Variants in QRSL1 observed in about 807,000 individuals in gnomAD.
The protein encoded by QRSL1 is glutamyl-tRNA(Gln) amidotransferase subunit A, mitochondrial.
A neutral mutation model predicts 61.6 loss-of-function variants in QRSL1; 54 were observed. The ratio of observed to expected loss-of-function variants is 0.88; its 90% CI spans 0.70 to 1.10. The LOEUF (loss-of-function observed/expected upper bound fraction) is 1.10. QRSL1 is among the 50% of genes least tolerant of loss of function. QRSL1 has a pLI of 0.00. For synonymous variants in QRSL1, 228 were observed against 225.7 expected (o/e 1.01, Z -0.09); for missense variants, 505 against 622.6 (o/e 0.81, Z 2.01).
At chr6:106,640,611 C>A in intron 2 of QRSL1, 103 bp downstream of exon 2, 1 of 1,153,230 alleles carries the variant, frequency 8.7e-7, no homozygotes, top group South Asian at 1.6e-5. Context: ...TAAACCATAG[C>A]CTTATTTAAA....
In QRSL1 at chr6:106,655,514, CA is replaced by C. The variant is rs35970346; in HGVS notation, c.1043-82del. On this transcript the variant is annotated intron_variant, in intron 8 of 10. Transcript: ENST00000369046. ...TAGGTGACAGAGTGAGACTCCATCT[CA>C]AAAAAAAAAAAAAAAAAAGTGAATC... The C allele has an allele frequency of 0.13, 54,450 of 413,362 alleles. 464 individuals carry two copies. The highest frequency in any genetic ancestry group is 0.15 in the East Asian group (2,786 of 18,072). 25.6% of individuals were successfully genotyped at this position (413,362 alleles called of 1,614,324 possible). A position where few individuals can be genotyped will look rare whatever the true frequency, so the allele number is the denominator to read the frequency against.
intron 9 of QRSL1, among the ~76,000 whole-genome samples, chr6:106,661,649 C>T (rs1476261369): frequency 8.2e-6 from 1 of 121,960 alleles, no homozygotes; most frequent in African/African-American, 3.0e-5. Context: ...TCCATTTTTA[C>T]TGTTGTGGAA....
In QRSL1 at chr6:106,654,907, G is replaced by A. The variant is rs1440388271; in HGVS notation, c.1027G>A (p.Asp343Asn). 1.2e-6 allele frequency: 2 copies of A among 1,604,288 alleles called. No homozygotes were observed. Among genetic ancestry groups the A allele is most frequent in the African/African-American group, 1.3e-5 (1 of 74,550 alleles). Reference protein sequence around the residue: ...SEVASNMARFDGLQYGHRCDI... With the variant: ...SEVASNMARFNGLQYGHRCDI... ...AGTGGCATCGAATATGGCAAGATTTGATGGGCTACAATATGGTAAGATGGC... is the reference window on the plus strand; with the variant it reads ...AGTGGCATCGAATATGGCAAGATTTAATGGGCTACAATATGGTAAGATGGC... Residue 343 changes from aspartate to asparagine, a missense_variant, in exon 8 of 11, where the codon GAT becomes AAT. Transcript: ENST00000369046.
chr6:106,637,522 C>T (rs916672395), intron 1 of QRSL1, among the ~76,000 whole-genome samples: 2 of 152,052 alleles, frequency 1.3e-5, no homozygotes, highest in African/African-American at 4.8e-5. Context: ...TGTCATCTCC[C>T]AAGGCATGTG....
intron 9 of QRSL1, among the ~76,000 whole-genome samples, chr6:106,657,734 C>G (rs1001221417): frequency 6.6e-6 from 1 of 152,138 alleles, no homozygotes; most frequent in Non-Finnish European, 1.5e-5. Flanking sequence ...GAGACAGAGT[C>G]TCACTCTGTC....
intron 1 of QRSL1, among the ~76,000 whole-genome samples, chr6:106,630,761 C>T (rs556522324): frequency 2.2e-4 from 33 of 152,160 alleles, no homozygotes; most frequent in South Asian, 2.1e-3. Flanking sequence ...TTTATTCCAC[C>T]CTAGAAGTTG....
chr6:106,647,777 A>T (rs1257013677), intron 4 of QRSL1, among the ~76,000 whole-genome samples: 1 of 139,822 alleles, frequency 7.2e-6, no homozygotes, highest in Non-Finnish European at 1.5e-5. Context: ...CAGCCTCCCG[A>T]GTAGCTGGGA....
At chr6:106,636,986 G>A (rs1776934042) in intron 1 of QRSL1, among the ~76,000 whole-genome samples, 1 of 152,192 alleles carries the variant, frequency 6.6e-6, no homozygotes, top group Non-Finnish European at 1.5e-5. Context: ...TGGGTCAGAA[G>A]TCAGGGCATG....
chr6:106,663,397 G>T (rs1777387822), intron 10 of QRSL1, among the ~76,000 whole-genome samples: 1 of 152,178 alleles, frequency 6.6e-6, no homozygotes, highest in Non-Finnish European at 1.5e-5. Context: ...TAAAAAAGAG[G>T]TTTAATTGGC....
chr6:106,632,014 T>A (rs1252491958), intron 1 of QRSL1, among the ~76,000 whole-genome samples: 6 of 152,118 alleles, frequency 3.9e-5, no homozygotes. Flanking sequence ...CTCCACGAGG[T>A]CAATTGTTTT....
At chr6:106,635,506 C>G (rs1280546169) in intron 1 of QRSL1, among the ~76,000 whole-genome samples, 1 of 151,122 alleles carries the variant, frequency 6.6e-6, no homozygotes. Context: ...GGATGAGTAC[C>G]CATCACTGGA....
chr6:106,663,231 C>A, intron 10 of QRSL1, 46 bp downstream of exon 10: 1 of 1,571,638 alleles, frequency 6.4e-7, no homozygotes, highest in Non-Finnish European at 8.7e-7. Flanking sequence ...AATTCTTAGG[C>A]AGGTACCCTG....
intron 4 of QRSL1, among the ~76,000 whole-genome samples, chr6:106,644,670 A>G (rs1233780632): frequency 6.6e-6 from 1 of 151,808 alleles, no homozygotes; most frequent in Non-Finnish European, 1.5e-5. Flanking sequence ...ACAGGCACGC[A>G]CCACCGGGCC....
rs1777256460 is a variant in QRSL1 at position 106,655,601 on chromosome 6, T to C, written c.1043-14T>C. ...CTTCCTTTCAAGTAATGTTTACCCT[T>C]TTCTTGTTTTCAGGTCACAGATGTG... On this transcript the variant is annotated splice_polypyrimidine_tract_variant and intron_variant, in intron 8 of 10. Transcript: ENST00000369046. The C allele has an allele frequency of 6.4e-7, 1 of 1,566,030 alleles. No individual in the cohort carries two copies. The highest frequency in any genetic ancestry group is 8.8e-7 in the Non-Finnish European group (1 of 1,138,512).
intron 4 of QRSL1, among the ~76,000 whole-genome samples, chr6:106,643,374 T>C (rs1310471692): frequency 3.3e-5 from 5 of 152,176 alleles, no homozygotes; most frequent in African/African-American, 1.2e-4. Context: ...TTTTTGAAAT[T>C]GGGTCATCTT....
chr6:106,648,930 C>T, intron 4 of QRSL1, 95 bp from the exon 5 acceptor site: 1 of 1,302,170 alleles, frequency 7.7e-7, no homozygotes, highest in African/African-American at 1.5e-5. Flanking sequence ...CTTAAATGCT[C>T]AATGAGTGTC....
chr6:106,639,281 A>G (rs1342202458), intron 1 of QRSL1, among the ~76,000 whole-genome samples: 1 of 151,580 alleles, frequency 6.6e-6, no homozygotes, highest in Non-Finnish European at 1.5e-5. Context: ...ACGTGCCACC[A>G]CACCTGGCTA....
chr6:106,647,649 C>CTT (rs35122457), intron 4 of QRSL1, among the ~76,000 whole-genome samples: 8,399 of 84,182 alleles, frequency 0.1, 1,515 homozygotes, highest in African/African-American at 0.2. Flanking sequence ...CCATAAAGTA[C>CTT]TTTTTTTTTT....
intron 3 of QRSL1, 24 bp from the exon 4 acceptor site, chr6:106,642,970 T>A (rs749671340): frequency 1.3e-6 from 2 of 1,488,096 alleles, no homozygotes; most frequent in Non-Finnish European, 1.8e-6. Flanking sequence ...GTAAAAAAAA[T>A]AATAGTAACT....
Sources: allele counts gnomAD v4.1 joint callset (sites outside exome capture counted in the v4.1 genomes callset), GRCh38; gene constraint gnomAD v4.1.1; transcripts MANE v1.5; gene names NCBI Gene and HGNC (gene_info 2026-07-23, HGNC 2026-07-21).